The following CFAP58 variants were observed in gnomAD, a reference collection of about 807,000 sequenced individuals.
CFAP58 encodes cilia- and flagella-associated protein 58.
In CFAP58, 88 loss-of-function variants were observed where a neutral mutation model predicts 119.5. The observed-to-expected ratio is 0.74, with a 90% CI of 0.62 to 0.88. The LOEUF (loss-of-function observed/expected upper bound fraction) is 0.88, where lower values mean the gene tolerates loss of function less well. CFAP58 is among the 40% of genes least tolerant of loss of function. The probability of loss-of-function intolerance (pLI) is 0.00; values close to 1 mark genes in which losing one functional copy is unlikely to be tolerated. For missense variants in CFAP58, 990 were observed against 1,021.2 expected, an observed-to-expected ratio of 0.97 and a Z score of 0.42; for synonymous variants, 365 against 366.3, an observed-to-expected ratio of 1.00 and a Z score of 0.04.
At position 104,454,733 on chromosome 10, in the gene CFAP58, C is replaced by T; in HGVS notation, c.*203C>T. 1.9e-6 allele frequency: 1 copy of T among 537,630 alleles called. No homozygotes were observed. The highest frequency in any genetic ancestry group is 3.3e-6 in the Non-Finnish European group (1 of 304,552). The allele number at this position is 537,630 out of a possible 1,614,324, so 33.3% of individuals were successfully genotyped here. On this transcript the variant is annotated 3_prime_UTR_variant, in exon 18 of 18. Coordinates refer to ENST00000369704, the MANE Select transcript of CFAP58 (RefSeq NM_001008723.2). ...GTTGATATTAACAGATCATAATTCT[C>T]TCTGTTCAGTTAGGCTGACCTATTG...
chr10:104,369,991 T>C (rs2014801396), intron 6 of CFAP58, among the ~76,000 whole-genome samples: 1 of 152,236 alleles, frequency 6.6e-6, no homozygotes, highest in Non-Finnish European at 1.5e-5. Flanking sequence ...TTTTATAGAC[T>C]GCCTATTCAT....
At chr10:104,421,128 C>T (rs1293641448) in intron 15 of CFAP58, among the ~76,000 whole-genome samples, 4 of 152,144 alleles carry the variant, frequency 2.6e-5, no homozygotes, top group African/African-American at 9.7e-5. Flanking sequence ...CACGAAATAG[C>T]AGATCTGACT....
chr10:104,347,105 G>T, the CFAP58 span, among the ~76,000 whole-genome samples: 1 of 152,012 alleles, frequency 6.6e-6, no homozygotes, highest in Non-Finnish European at 1.5e-5. Context: ...GAAGAGAGCA[G>T]CTGCTTTTAA....
intron 9 of CFAP58, among the ~76,000 whole-genome samples, chr10:104,390,651 G>A (rs988381370): frequency 3.9e-5 from 6 of 152,200 alleles, no homozygotes; most frequent in Non-Finnish European, 8.8e-5. Flanking sequence ...AATAGAATAT[G>A]CAGAATCCAA....
intron 15 of CFAP58, among the ~76,000 whole-genome samples, chr10:104,428,422 A>G (rs921080027): frequency 6.6e-6 from 1 of 152,356 alleles, no homozygotes; most frequent in South Asian, 2.1e-4. Context: ...AAAAAAATGT[A>G]AAAACACACA....
chr10:104,394,417 A>G (rs2012111708), intron 11 of CFAP58, among the ~76,000 whole-genome samples: 1 of 152,366 alleles, frequency 6.6e-6, no homozygotes, highest in South Asian at 2.1e-4. Flanking sequence ...CTTTCTGCAC[A>G]TATTAGCTTT....
intron 6 of CFAP58, among the ~76,000 whole-genome samples, chr10:104,370,383 C>T (rs1180637793): frequency 6.6e-6 from 1 of 152,162 alleles, no homozygotes; most frequent in Non-Finnish European, 1.5e-5. Context: ...CTGGGGAGGC[C>T]TCACAATCAT....
At chr10:104,403,259 C>T (rs897967445) in intron 13 of CFAP58, among the ~76,000 whole-genome samples, 2 of 152,158 alleles carry the variant, frequency 1.3e-5, no homozygotes, top group African/African-American at 2.4e-5. Context: ...TAGAGAAGCT[C>T]TCTTGCCTGC....
chr10:104,418,933 G>A (rs1564898848), intron 15 of CFAP58, among the ~76,000 whole-genome samples: 1 of 152,208 alleles, frequency 6.6e-6, no homozygotes, highest in South Asian at 2.1e-4. Flanking sequence ...AAGCCTGTCT[G>A]TGGGTTTTTG....
intron 1 of CFAP58, 68 bp from the exon 2 acceptor site, chr10:104,358,273 A>T (rs746842337): frequency 1.8e-5 from 27 of 1,481,064 alleles, no homozygotes; most frequent in Non-Finnish European, 2.4e-5. Flanking sequence ...AGGTAATAGC[A>T]GTAATTCCTT....
At chr10:104,346,924 T>C in the CFAP58 span, among the ~76,000 whole-genome samples, 1 of 151,742 alleles carries the variant, frequency 6.6e-6, no homozygotes, top group Non-Finnish European at 1.5e-5. Context: ...GAGTGAGCCA[T>C]CGCGCTTGAC....
chr10:104,395,631 C>T (rs186674736), intron 11 of CFAP58, among the ~76,000 whole-genome samples: 8 of 152,280 alleles, frequency 5.3e-5, no homozygotes, highest in African/African-American at 1.9e-4. Context: ...GTTTTAGCCT[C>T]TTGACTTTTT....
At chr10:104,413,940 A>C (rs1268354065) in intron 15 of CFAP58, among the ~76,000 whole-genome samples, 1 of 152,222 alleles carries the variant, frequency 6.6e-6, no homozygotes, top group East Asian at 1.9e-4. Flanking sequence ...AAATGCTTAA[A>C]TATGGGGTAA....
At chr10:104,354,272 AAACCGGGAAGAAAGCTTC>A (rs1564873963) in intron 1 of CFAP58, among the ~76,000 whole-genome samples, 1 of 152,110 alleles carries the variant, frequency 6.6e-6, no homozygotes, top group East Asian at 1.9e-4. Flanking sequence ...CTCACAGGGG[AAACCGGGAAGAAAGCTTC>A]ACAGATGCCT....
chr10:104,397,459 T>C (rs968616349), intron 11 of CFAP58, among the ~76,000 whole-genome samples: 1 of 152,248 alleles, frequency 6.6e-6, no homozygotes, highest in Non-Finnish European at 1.5e-5. Context: ...GTACACAGTA[T>C]CTTTTACTGT....
Position 104,368,653 on chromosome 10 carries a change from T to C in CFAP58, c.930+93T>C, listed in dbSNP as rs2014783307. On this transcript the variant is annotated intron_variant, in intron 6 of 17. Coordinates refer to ENST00000369704, the MANE Select transcript of CFAP58 (RefSeq NM_001008723.2). ...GAGCCCTCAGTTGGAGAGCCTGTGT[T>C]GGCTCTACTGAGTACATTGACACAT... is the stretch of plus-strand genomic sequence containing the variant. 2.2e-6 allele frequency: 3 copies of C among 1,342,640 alleles called. No homozygotes were observed. The East Asian group carries it at 6.9e-5, about 31-fold the overall frequency. The allele number at this position is 1,342,640 out of a possible 1,614,324, so 83.2% of individuals were successfully genotyped here. A position where few individuals can be genotyped will look rare whatever the true frequency, so the allele number is the denominator to read the frequency against.
At chr10:104,413,528 T>C (rs1564897212) in intron 15 of CFAP58, among the ~76,000 whole-genome samples, 1 of 152,194 alleles carries the variant, frequency 6.6e-6, no homozygotes, top group East Asian at 1.9e-4. Context: ...GCAGGGGCAA[T>C]GGAAACGTAC....
At chr10:104,357,910 C>CAT (rs1589906349) in intron 1 of CFAP58, among the ~76,000 whole-genome samples, 2 of 100,730 alleles carry the variant, frequency 2.0e-5, no homozygotes, top group Non-Finnish European at 3.7e-5. Context: ...TACACATATA[C>CAT]ACACATATAT....
chr10:104,438,960 A>G (rs928947057), intron 15 of CFAP58, among the ~76,000 whole-genome samples: 5 of 152,256 alleles, frequency 3.3e-5, no homozygotes, highest in African/African-American at 1.2e-4. Context: ...CATAAGATTT[A>G]TGGTTCAATA....
Sources: gnomAD v4.1 joint callset for allele counts (sites outside exome capture counted in the v4.1 genomes callset) on GRCh38, gnomAD v4.1.1 for gene constraint, MANE v1.5 for transcripts, NCBI Gene and HGNC (gene_info 2026-07-23, HGNC 2026-07-21) for gene names.